The following FLNC variants were observed in gnomAD, a reference collection of about 807,000 sequenced individuals.
FLNC encodes the protein filamin-C.
Under a neutral mutation model 254.3 loss-of-function variants are expected in FLNC, and 91 were observed. That is an observed-to-expected ratio of 0.36 (90% CI 0.30 to 0.43). FLNC has a LOEUF of 0.43. Among genes scored for constraint, FLNC ranks in the 20% least tolerant of loss-of-function variants. FLNC has a pLI of 1.00. For missense variants in FLNC, 2,853 were observed against 3,802.6 expected (o/e 0.75, Z 6.57); for synonymous variants, 1,430 against 1,577.2 (o/e 0.91, Z 2.21).
intron 1 of FLNC, among the ~76,000 whole-genome samples, chr7:128,834,753 G>A (rs560945375): frequency 1.3e-5 from 2 of 152,224 alleles, no homozygotes; most frequent in South Asian, 2.1e-4. Context: ...GTAATCTATC[G>A]TGACAGAGAG....
At chr7:128,846,707 T>G in intron 23 of FLNC, 38 bp from the exon 24 acceptor site, 2 of 1,604,026 alleles carry the variant, frequency 1.2e-6, no homozygotes, top group Non-Finnish European at 8.5e-7. Flanking sequence ...CCTCACTCAC[T>G]GGTCTTATGA....
Position 128,841,392 on chromosome 7 carries a change from C to G in FLNC, c.2007+29C>G. The G allele has an allele frequency of 6.2e-7, 1 of 1,613,808 alleles. No homozygotes were observed. The highest frequency in any genetic ancestry group is 8.5e-7 in the Non-Finnish European group (1 of 1,179,754). ...TGGTCCCAGCTCACACACACCTGCC[C>G]CGGGGGTGGGGCAAGCTGGTTCTCC... is the stretch of plus-strand genomic sequence containing the variant. On this transcript the variant is annotated intron_variant, in intron 12 of 47. Transcript: ENST00000325888. The surrounding 1 kb of genome is among the most constrained non-coding windows in gnomAD (Gnocchi z 4.3).
intron 19 of FLNC, 41 bp downstream of exon 19, chr7:128,843,954 G>A (rs765508783): frequency 2.5e-6 from 4 of 1,614,072 alleles, no homozygotes; most frequent in East Asian, 2.2e-5. Context: ...AGGGGTATTC[G>A]GGTAGGGTGG....
chr7:128,848,906 C>T lies in FLNC; in HGVS notation c.4851C>T (p.Gly1617=), dbSNP rs1357827460. The T allele has an allele frequency of 1.4e-5, 22 of 1,613,592 alleles. No homozygotes were observed. The highest frequency in any genetic ancestry group is 1.5e-5 in the Non-Finnish European group (18 of 1,179,862). The stretch of plus-strand genomic sequence containing the variant: ...GGTACACCATCACCATCAAGTATGG[C>T]GGTGATGAGATCCCCTACTCGCCCT... The part of the protein sequence containing the change: ...SGRYTITIKY[G]GDEIPYSPFR... The change falls in exon 28 of 48, where the codon GGC becomes GGT. Residue 1617 remains glycine, a synonymous_variant. Coordinates refer to ENST00000325888, the MANE Select transcript of FLNC (RefSeq NM_001458.5).
At position 128,854,510 on chromosome 7, in the gene FLNC, C is replaced by A. The variant is rs748970432; in HGVS notation, c.6825C>A (p.Ser2275Arg). 2.5e-6 allele frequency: 4 copies of A among 1,605,252 alleles called. No individual in the cohort carries two copies. The highest frequency in any genetic ancestry group is 1.7e-5 in the Admixed American group (1 of 58,376). ...TCGAGGGCGAGGACAGCGCCTACAGCGTGCGCTTTGTGCCCCAGGAAATGG... is the reference window on the plus strand; with the variant it reads ...TCGAGGGCGAGGACAGCGCCTACAGAGTGCGCTTTGTGCCCCAGGAAATGG... ...EIVEGEDSAYSVRFVPQEMGP... is the reference protein window; with the variant it reads ...EIVEGEDSAYRVRFVPQEMGP... Residue 2275 changes from serine to arginine, a missense_variant, in exon 41 of 48, where the codon AGC (serine) becomes AGA (arginine). Physicochemically the swap from Ser to Arg is moderately radical, Grantham distance 110. Transcript: ENST00000325888.
At position 128,835,164 on chromosome 7, in the gene FLNC, G is replaced by A. The variant is rs1808046413; in HGVS notation, c.353-162G>A. Among the ~76,000 whole-genome samples the A allele has an allele frequency of 6.6e-6, 1 of 152,186 alleles. No homozygotes were observed. Among genetic ancestry groups the A allele is most frequent in the African/African-American group, 2.4e-5 (1 of 41,440 alleles). On this transcript the variant is annotated intron_variant, in intron 1 of 47. Transcript: ENST00000325888. This position sits in a 1 kb window ranked among gnomAD's most constrained non-coding sequence, Gnocchi z 5.3. ...CCGGAAGGGCCCCATAAAGAACTTG[G>A]CATCTGAGTGGGGCCTCGCAGGAGG...
In FLNC at chr7:128,841,426, C is replaced by T. The variant is rs1808329501; in HGVS notation, c.2008-28C>T. ...GGGCAAGCTGGTTCTCCTCCCCTCC[C>T]CAACTCAGCCTTCTTCCCTCCGCAC... is the stretch of plus-strand genomic sequence containing the variant. On this transcript the variant is annotated intron_variant, in intron 12 of 47. Coordinates refer to ENST00000325888, the MANE Select transcript of FLNC (RefSeq NM_001458.5). This position sits in a 1 kb window ranked among gnomAD's most constrained non-coding sequence, Gnocchi z 4.3. The T allele has an allele frequency of 1.2e-6, 2 of 1,612,686 alleles. No homozygotes were observed. The highest frequency in any genetic ancestry group is 1.7e-6 in the Non-Finnish European group (2 of 1,178,734).
intron 37 of FLNC, 95 bp downstream of exon 37, chr7:128,853,126 C>A: frequency 8.0e-7 from 1 of 1,242,310 alleles, no homozygotes. Context: ...GCACTCTCTC[C>A]TCCCTGAAAC....
At chr7:128,840,524 C>T (rs1458630447) in intron 9 of FLNC, 24 bp from the exon 10 acceptor site, 27 of 1,613,962 alleles carry the variant, frequency 1.7e-5, no homozygotes, top group Non-Finnish European at 2.2e-5. Context: ...TGCCTTCTTC[C>T]CCACCCTGCC....
At chr7:128,831,467 C>T (rs938174768) in intron 1 of FLNC, among the ~76,000 whole-genome samples, 44 of 152,240 alleles carry the variant, frequency 2.9e-4, no homozygotes, top group Non-Finnish European at 3.1e-4. Context: ...CCACTGCCCG[C>T]GTCTGCGGGC....
chr7:128,839,610 G>A (rs889527926), intron 8 of FLNC, among the ~76,000 whole-genome samples: 9 of 152,214 alleles, frequency 5.9e-5, no homozygotes, highest in African/African-American at 9.6e-5. Flanking sequence ...GGCAGGCTTC[G>A]AGTTCTATGA....
chr7:128,855,363 G>A, intron 43 of FLNC, 49 bp downstream of exon 43: 1 of 1,243,586 alleles, frequency 8.0e-7, no homozygotes, highest in Non-Finnish European at 1.2e-6. Flanking sequence ...TGAGAGATGG[G>A]CAGGAGTTGA....
chr7:128,839,269 G>A (rs1808231950), intron 8 of FLNC, among the ~76,000 whole-genome samples: 1 of 152,238 alleles, frequency 6.6e-6, no homozygotes, highest in South Asian at 2.1e-4. Context: ...TCTGTGGCAG[G>A]CCCCAGGTTC....
rs1274745131 is a variant in FLNC, at chr7:128,858,766, G to A, written c.*243G>A. 1.8e-6 allele frequency: 1 copy of A among 562,524 alleles called. No homozygotes were observed. Among genetic ancestry groups the A allele is most frequent in the Admixed American group, 3.0e-5 (1 of 32,872 alleles). The allele number at this position is 562,524 out of a possible 1,614,324, so 34.8% of individuals were successfully genotyped here. ...GAATGTGACATGAGGGCCGACTGGG[G>A]CCAGGCTCAGGGGCAGAGGCTGGGA... On this transcript the variant is annotated 3_prime_UTR_variant, in exon 48 of 48. Transcript: ENST00000325888. The surrounding 1 kb of genome is among the most constrained non-coding windows in gnomAD (Gnocchi z 6.7).
rs143623535 is a variant in FLNC at position 128,847,709 on chromosome 7, G to T, written c.4301G>T (p.Arg1434Leu). The T allele has an allele frequency of 5.8e-5, 93 of 1,614,054 alleles. No individual in the cohort carries two copies. In the African/African-American group the frequency reaches 1.1e-3, roughly 18 times the overall value. Reference protein sequence around the residue: ...GGRPIPGSPFRVPVKDVVDPG... With the variant: ...GGRPIPGSPFLVPVKDVVDPG... Reference sequence around the variant, plus strand: ...CTTCTCCTCACAGGGAGCCCGTTCCGCGTGCCAGTGAAGGATGTGGTGGAC... The same window carrying T: ...CTTCTCCTCACAGGGAGCCCGTTCCTCGTGCCAGTGAAGGATGTGGTGGAC... The change falls in exon 25 of 48, where the codon CGC (arginine) becomes CTC (leucine). Residue 1434 changes from arginine (R) to leucine (L), a missense_variant. Physicochemically the swap from Arg to Leu is moderately radical, Grantham distance 102. Around this residue, in one of 10 missense-constraint regions of FLNC, gnomAD observed 1,573 missense variants for 1,883.5 expected, o/e 0.84. Coordinates refer to ENST00000325888, the MANE Select transcript of FLNC (RefSeq NM_001458.5).
In FLNC at chr7:128,852,504, G is replaced by A. The variant is rs61191534; in HGVS notation, c.5843-87G>A. The A allele has an allele frequency of 0.082, 124,113 of 1,505,208 alleles. 13,991 individuals carry two copies. Among genetic ancestry groups the A allele is most frequent in the African/African-American group, 0.47 (33,954 of 72,552 alleles). 93.2% of individuals were successfully genotyped at this position (1,505,208 alleles called of 1,614,324 possible). On this transcript the variant is annotated intron_variant, in intron 35 of 47. Coordinates refer to ENST00000325888, the MANE Select transcript of FLNC (RefSeq NM_001458.5). ...GCCCCCCGTGTCTGTTGAGTCCAGG[G>A]GGGGCTGCTCAGGAGGGTTCCTGAG...
At position 128,842,335 on chromosome 7, in the gene FLNC, C is replaced by T. The variant is rs774940466; in HGVS notation, c.2226C>T (p.Ile742=). 1 of 1,613,788 alleles carries T rather than the reference C, an allele frequency of 6.2e-7. No homozygotes were observed. Among genetic ancestry groups the T allele is most frequent in the Non-Finnish European group, 8.5e-7 (1 of 1,180,022 alleles). Residue 742 remains isoleucine, a synonymous_variant, in exon 14 of 48, where the codon ATC becomes ATT. Coordinates refer to ENST00000325888, the MANE Select transcript of FLNC (RefSeq NM_001458.5). The surrounding 1 kb of genome is among the most constrained non-coding windows in gnomAD (Gnocchi z 5.4). Reference sequence around the variant, plus strand: ...AGCCCATTAAGCACACCATCATCATCTCCTGGGGAGGCGTAAACGTGCCCA... The same window carrying T: ...AGCCCATTAAGCACACCATCATCATTTCCTGGGGAGGCGTAAACGTGCCCA... ...PTKPIKHTII[I]SWGGVNVPKS...
In FLNC at chr7:128,848,663, G is replaced by A. The variant is rs780990909; in HGVS notation, c.4683G>A (p.Glu1561=). The A allele has an allele frequency of 8.1e-6, 13 of 1,613,534 alleles. No individual in the cohort carries two copies. Among genetic ancestry groups the A allele is most frequent in the Non-Finnish European group, 1.0e-5 (12 of 1,180,024 alleles). ...ASGIPASLPV[E]FTIDARDAGE... is the part of the protein sequence containing the mutation. ...GCATCCCTGCCAGCCTGCCTGTGGAGTTCACCATCGACGCACGGGACGCGG... is the reference window on the plus strand; with the variant it reads ...GCATCCCTGCCAGCCTGCCTGTGGAATTCACCATCGACGCACGGGACGCGG... Residue 1561 remains glutamate (E), a synonymous_variant, in exon 27 of 48, where the codon GAG becomes GAA. Transcript: ENST00000325888.
At position 128,856,681 on chromosome 7, in the gene FLNC, T is replaced by G; in HGVS notation, c.7384+31T>G. 6.2e-7 allele frequency: 1 copy of G among 1,613,758 alleles called. No homozygotes were observed. The highest frequency in any genetic ancestry group is 1.7e-5 in the Admixed American group (1 of 60,022). On this transcript the variant is annotated intron_variant, in intron 44 of 47. Coordinates refer to ENST00000325888, the MANE Select transcript of FLNC (RefSeq NM_001458.5). This position sits in a 1 kb window ranked among gnomAD's most constrained non-coding sequence, Gnocchi z 5.9. ...CTGGCCCTGCCCCTGCCAACTCCCT[T>G]CCGGGCTGGGGCCTTCTGGGGAGGG...
Sources: allele counts gnomAD v4.1 joint callset (sites outside exome capture counted in the v4.1 genomes callset), GRCh38; gene constraint gnomAD v4.1.1; regional missense constraint gnomAD v4.1.1; non-coding constraint Gnocchi (gnomAD v3.1); transcripts MANE v1.5; gene names NCBI Gene and HGNC (gene_info 2026-07-23, HGNC 2026-07-21).